The following COL6A6 variants were observed in gnomAD, a reference collection of about 807,000 sequenced individuals.
The protein encoded by COL6A6 is collagen alpha-6(VI) chain.
In COL6A6, 183 loss-of-function variants were observed where a neutral mutation model predicts 208.6. That is an observed-to-expected ratio of 0.88 (90% CI 0.78 to 0.99). The LOEUF (loss-of-function observed/expected upper bound fraction) is 0.99. COL6A6 is among the 50% of genes least tolerant of loss of function. The probability of loss-of-function intolerance (pLI) is 0.00; values close to 1 mark genes in which losing one functional copy is unlikely to be tolerated. For missense variants in COL6A6, 2,816 were observed against 2,815.2 expected (o/e 1.00, Z -0.01); for synonymous variants, 973 against 1,011.8 (o/e 0.96, Z 0.73).
In COL6A6 at chr3:130,608,968, C is replaced by T. The variant is rs776955124; in HGVS notation, c.4752+4C>T. ...CCTGGGACTTAAGGGCCCTCAGGTA[C>T]ATATCAAGACCAATCAGGGTGTGAG... On this transcript the variant is annotated splice_donor_region_variant and intron_variant, in intron 22 of 36. Transcript: ENST00000358511. 4.4e-6 allele frequency: 7 copies of T among 1,607,408 alleles called. No individual in the cohort carries two copies. Among genetic ancestry groups the T allele is most frequent in the Non-Finnish European group, 5.1e-6 (6 of 1,174,684 alleles).
chr3:130,558,801 G>A (rs2062820953), intron 1 of COL6A6, among the ~76,000 whole-genome samples: 2 of 152,132 alleles, frequency 1.3e-5, no homozygotes, highest in East Asian at 1.9e-4. Flanking sequence ...ATGAAAACAA[G>A]TACCAAAGTC....
rs985463323 is a variant in COL6A6, at chr3:130,546,215, G to A, written c.-31-14119G>A. Among the ~76,000 whole-genome samples, 6 of 152,076 alleles carry A rather than the reference G, an allele frequency of 3.9e-5. No individual in the cohort carries two copies. The South Asian group carries it at 6.2e-4, about 16-fold the overall frequency. ...CCGGAGTTTGTTCCTTCTGACGTTC[G>A]GATGTGTTTGGAGTTTTTTCCTTCT... On this transcript the variant is annotated intron_variant, in intron 1 of 36. Coordinates refer to ENST00000358511, the MANE Select transcript of COL6A6 (RefSeq NM_001102608.3).
In COL6A6 at chr3:130,568,382, A is replaced by G. The variant is rs747940604; in HGVS notation, c.2179A>G (p.Ile727Val). The G allele has an allele frequency of 1.9e-6, 3 of 1,613,920 alleles. No individual in the cohort carries two copies. The highest frequency in any genetic ancestry group is 1.7e-6 in the Non-Finnish European group (2 of 1,179,844). Residue 727 changes from isoleucine (I) to valine (V), a missense_variant, in exon 6 of 37, where the codon ATC becomes GTC. Transcript: ENST00000358511. ...GARPNIRKFLILITDGEAQDI... is the reference protein window; with the variant it reads ...GARPNIRKFLVLITDGEAQDI... The stretch of plus-strand genomic sequence containing the variant: ...CCGGCCCAACATCAGAAAGTTTCTC[A>G]TCCTCATCACGGATGGTGAAGCTCA...
Position 130,570,971 on chromosome 3 carries a change from A to G in COL6A6, c.2555A>G (p.Lys852Arg). ...AATCAGGTCCGGTTTGGGGCTCTGA[A>G]GTATGCTGATGACCCAGAGGTGCTG... ...GKNQVRFGAL[K>R]YADDPEVLFY... Residue 852 changes from lysine to arginine, a missense_variant, in exon 7 of 37, where the codon AAG becomes AGG. Transcript: ENST00000358511. The G allele has an allele frequency of 6.2e-7, 1 of 1,614,038 alleles. No homozygotes were observed. The highest frequency in any genetic ancestry group is 8.5e-7 in the Non-Finnish European group (1 of 1,179,896).
rs929934739 is a variant in COL6A6 at position 130,565,940 on chromosome 3, C to T, written c.1282+326C>T. ...TCTCTCTTTTGCCTCTCACGTTCCC[C>T]TGCTCTTCCCTTTATTTCTTTATTC... On this transcript the variant is annotated intron_variant, in intron 4 of 36. Transcript: ENST00000358511. 2.6e-5 allele frequency among the ~76,000 whole-genome samples: 4 copies of T among 152,304 alleles called. 1 individual carries two copies. The South Asian group carries it at 6.2e-4, about 24-fold the overall frequency.
In COL6A6 at chr3:130,563,217, A is replaced by G; in HGVS notation, c.214A>G (p.Ser72Gly). The change falls in exon 3 of 37, where the codon AGT (serine) becomes GGT (glycine). Residue 72 changes from serine to glycine, a missense_variant. Coordinates refer to ENST00000358511, the MANE Select transcript of COL6A6 (RefSeq NM_001102608.3). The part of the protein sequence containing the change: ...DKYRVALAQY[S>G]DKLHSEFHLS... ...ATACCGTGTGGCCCTGGCCCAGTAC[A>G]GTGATAAACTTCACAGTGAATTCCA... 6.2e-7 allele frequency: 1 copy of G among 1,614,038 alleles called. No individual in the cohort carries two copies. Among genetic ancestry groups the G allele is most frequent in the Non-Finnish European group, 8.5e-7 (1 of 1,179,888 alleles).
In COL6A6 at chr3:130,574,418, A is replaced by G. The variant is rs1452132112; in HGVS notation, c.3440A>G (p.Gln1147Arg). Residue 1147 changes from glutamine (Q) to arginine (R), a missense_variant, in exon 8 of 37, where the codon CAG (glutamine) becomes CGG (arginine). Transcript: ENST00000358511. ...IGDVDDQQLI[Q>R]ITGTAEKKLT... ...GATGTGGATGACCAGCAGCTCATTC[A>G]GATCACCGGGACTGCAGAGAAAAAA... The G allele has an allele frequency of 1.9e-6, 3 of 1,614,050 alleles. No individual in the cohort carries two copies.
chr3:130,592,580 A>G lies in COL6A6; in HGVS notation c.4312A>G (p.Thr1438Ala), dbSNP rs1216439686. Reference protein sequence around the residue: ...GAPGPVGEQGTKGCYGTKGPK... With the variant: ...GAPGPVGEQGAKGCYGTKGPK... ...CCCTGGACCAGTGGGAGAGCAAGGT[A>G]CTAAGGGATGCTATGGCACCAAAGG... Residue 1438 changes from threonine to alanine, a missense_variant, in exon 14 of 37, where the codon ACT becomes GCT. Coordinates refer to ENST00000358511, the MANE Select transcript of COL6A6 (RefSeq NM_001102608.3). 1.9e-6 allele frequency: 3 copies of G among 1,612,648 alleles called. No individual in the cohort carries two copies. The highest frequency in any genetic ancestry group is 2.5e-6 in the Non-Finnish European group (3 of 1,179,082).
In COL6A6 at chr3:130,565,346, G is replaced by C; in HGVS notation, c.1014G>C (p.Leu338=). 6.2e-7 allele frequency: 1 copy of C among 1,610,200 alleles called. No homozygotes were observed. Among genetic ancestry groups the C allele is most frequent in the Non-Finnish European group, 8.5e-7 (1 of 1,178,414 alleles). Residue 338 remains leucine, a synonymous_variant, in exon 4 of 37, where the codon CTG becomes CTC. Coordinates refer to ENST00000358511, the MANE Select transcript of COL6A6 (RefSeq NM_001102608.3). ...KNQGVPQIAV[L]VTHRDSEDNV... is the part of the protein sequence containing the mutation. ...AGGGGGTGCCCCAGATTGCCGTGCT[G>C]GTGACCCACCGAGATTCAGAAGACA... is the stretch of plus-strand genomic sequence containing the variant.
rs144624073 is a variant in COL6A6 at position 130,547,350 on chromosome 3, C to T, written c.-31-12984C>T. On this transcript the variant is annotated intron_variant, in intron 1 of 36. Transcript: ENST00000358511. Reference sequence around the variant, plus strand: ...GGGCTGGTGGCACCTGCCAGCCACTCCAAGTGCGGGGGCCCGCTGAGGCGG... The same window carrying T: ...GGGCTGGTGGCACCTGCCAGCCACTTCAAGTGCGGGGGCCCGCTGAGGCGG... Among the ~76,000 whole-genome samples the T allele has an allele frequency of 4.7e-3, 713 of 152,370 alleles. 6 individuals are homozygous for T. Among genetic ancestry groups the T allele is most frequent in the African/African-American group, 0.016 (671 of 41,596 alleles).
At chr3:130,663,922 T>C (rs1174929309) in intron 35 of COL6A6, among the ~76,000 whole-genome samples, 1 of 152,230 alleles carries the variant, frequency 6.6e-6, no homozygotes, top group Non-Finnish European at 1.5e-5. Context: ...TGCATAATCA[T>C]GTTCAAGTCT....
chr3:130,547,187 G>T (rs1414496034), intron 1 of COL6A6, among the ~76,000 whole-genome samples: 1 of 152,262 alleles, frequency 6.6e-6, no homozygotes. Flanking sequence ...GCAGGCTGCA[G>T]GTCCCGAGCC....
At chr3:130,581,537 A>G in intron 8 of COL6A6, 24 bp from the exon 9 acceptor site, 2 of 1,528,786 alleles carry the variant, frequency 1.3e-6, no homozygotes, top group African/African-American at 1.4e-5. Context: ...ATTTATTAAG[A>G]CATGCTTTTC....
chr3:130,528,765 G>T (rs1480839224), intron 1 of COL6A6, among the ~76,000 whole-genome samples: 2 of 152,150 alleles, frequency 1.3e-5, no homozygotes, highest in Non-Finnish European at 2.9e-5. Context: ...GGATCACTGG[G>T]GATGGGACTG....
intron 20 of COL6A6, among the ~76,000 whole-genome samples, chr3:130,604,756 G>A (rs866784704): frequency 2.6e-5 from 4 of 152,158 alleles, no homozygotes; most frequent in Non-Finnish European, 5.9e-5. Context: ...AAAGACAAAA[G>A]GGGAAAAAAT....
chr3:130,640,559 C>A (rs2065278293), intron 28 of COL6A6, among the ~76,000 whole-genome samples: 1 of 152,170 alleles, frequency 6.6e-6, no homozygotes, highest in Admixed American at 6.5e-5. Flanking sequence ...TCATTATTTA[C>A]TGTTTTATAG....
At chr3:130,549,039 T>C (rs1382264457) in intron 1 of COL6A6, among the ~76,000 whole-genome samples, 1 of 152,242 alleles carries the variant, frequency 6.6e-6, no homozygotes, top group African/African-American at 2.4e-5. Flanking sequence ...TTTTAAAATA[T>C]AATTTTATCG....
intron 23 of COL6A6, among the ~76,000 whole-genome samples, chr3:130,613,245 TC>T (rs1357242339): frequency 2.0e-5 from 3 of 152,234 alleles, no homozygotes; most frequent in Admixed American, 6.5e-5. Flanking sequence ...TAGCCAGTTC[TC>T]CCAGTACCAT....
chr3:130,659,434 A>G (rs915123973), intron 34 of COL6A6, among the ~76,000 whole-genome samples: 6 of 152,232 alleles, frequency 3.9e-5, no homozygotes, highest in East Asian at 1.9e-4. Flanking sequence ...AGCATTTTCT[A>G]TAGGCCATGC....
Sources: allele counts gnomAD v4.1 joint callset (sites outside exome capture counted in the v4.1 genomes callset), GRCh38; gene constraint gnomAD v4.1.1; transcripts MANE v1.5; gene names NCBI Gene and HGNC (gene_info 2026-07-23, HGNC 2026-07-21).